HFM1: variants seen among roughly 807,000 people sequenced by gnomAD.
HFM1 encodes the protein probable ATP-dependent DNA helicase HFM1.
In HFM1, 169 loss-of-function variants were observed where a neutral mutation model predicts 192.1. The ratio of observed to expected loss-of-function variants is 0.88; its 90% CI spans 0.78 to 1.00. HFM1 has a LOEUF of 1.00. HFM1 is among the 50% of genes least tolerant of loss of function. The pLI is 0.00. For synonymous variants in HFM1, 525 were observed against 537.8 expected (o/e 0.98, Z 0.33); for missense variants, 1,661 against 1,668.0 (o/e 1.00, Z 0.07).
At chr1:91,367,086 G>C (rs1557461158) in intron 13 of HFM1, among the ~76,000 whole-genome samples, 1 of 152,204 alleles carries the variant, frequency 6.6e-6, no homozygotes, top group African/African-American at 2.4e-5. Flanking sequence ...GCCGAGGCTT[G>C]AGTAGGTAAA....
intron 13 of HFM1, among the ~76,000 whole-genome samples, chr1:91,371,809 A>T (rs1159217783): frequency 6.6e-6 from 1 of 152,124 alleles, no homozygotes; most frequent in Non-Finnish European, 1.5e-5. Context: ...CAGCCTACAG[A>T]ATGGGAGAAA....
intron 30 of HFM1, among the ~76,000 whole-genome samples, chr1:91,298,187 AG>A (rs1220802723): frequency 6.6e-6 from 1 of 152,248 alleles, no homozygotes; most frequent in African/African-American, 2.4e-5. Flanking sequence ...AAAGGGTATC[AG>A]GGATGGAAGA....
chr1:91,304,409 A>G (rs1649301375), intron 30 of HFM1, among the ~76,000 whole-genome samples: 1 of 152,040 alleles, frequency 6.6e-6, no homozygotes, highest in African/African-American at 2.4e-5. Context: ...TGCCTTGTAC[A>G]AGGTAATGAA....
At chr1:91,328,644 G>A (rs1322869904) in intron 20 of HFM1, 11 of 1,590,900 alleles carry the variant, frequency 6.9e-6, no homozygotes, top group South Asian at 2.2e-5. Context: ...TTGAGGGCAC[G>A]CCACCACAGC....
At chr1:91,268,926 T>C (rs1023251192) in intron 34 of HFM1, among the ~76,000 whole-genome samples, 4 of 152,124 alleles carry the variant, frequency 2.6e-5, no homozygotes, top group South Asian at 2.1e-4. Flanking sequence ...TCATTCACCA[T>C]TGACTTAAGC....
At chr1:91,290,021 G>T (rs1668550444) in intron 30 of HFM1, among the ~76,000 whole-genome samples, 1 of 152,040 alleles carries the variant, frequency 6.6e-6, no homozygotes, top group Admixed American at 6.6e-5. Context: ...TCACCACCAG[G>T]CCTGCCCTAA....
intron 20 of HFM1, among the ~76,000 whole-genome samples, chr1:91,342,456 T>C (rs1366011048): frequency 2.0e-5 from 3 of 152,322 alleles, no homozygotes; most frequent in South Asian, 2.1e-4. Context: ...TTTATCTCCA[T>C]AGACACAGAG....
At chr1:91,281,470 T>C (rs372355859) in intron 30 of HFM1, among the ~76,000 whole-genome samples, 12 of 152,306 alleles carry the variant, frequency 7.9e-5, no homozygotes, top group African/African-American at 2.9e-4. Flanking sequence ...AATCTAGACC[T>C]GTCCTGTAAC....
chr1:91,292,650 GC>G (rs1668910721), intron 30 of HFM1, among the ~76,000 whole-genome samples: 1 of 151,920 alleles, frequency 6.6e-6, no homozygotes, highest in East Asian at 1.9e-4. Context: ...CAGATTCAAT[GC>G]CATCCCCATC....
intron 20 of HFM1, chr1:91,328,738 C>T (rs1397875642): frequency 7.7e-5 from 124 of 1,609,124 alleles, no homozygotes; most frequent in Non-Finnish European, 9.6e-5. Context: ...CTGCTGGGGC[C>T]GAGCAGGTGG....
chr1:91,276,848 G>A, intron 31 of HFM1, 105 bp from the exon 32 acceptor site: 4 of 801,198 alleles, frequency 5.0e-6, no homozygotes, highest in Non-Finnish European at 5.9e-6. Context: ...TTTTCATGTT[G>A]CCCACAGAGA....
intron 20 of HFM1, among the ~76,000 whole-genome samples, chr1:91,330,254 T>TA (rs918393514): frequency 1.5e-4 from 22 of 146,414 alleles, no homozygotes; most frequent in African/African-American, 5.5e-4. Flanking sequence ...ATTATAAAAG[T>TA]AAAAAAAAAG....
In HFM1 at chr1:91,385,195, G is replaced by A; in HGVS notation, c.794C>T (p.Thr265Ile). 6.4e-7 allele frequency: 1 copy of A among 1,551,958 alleles called. No homozygotes were observed. Among genetic ancestry groups the A allele is most frequent in the Non-Finnish European group, 8.9e-7 (1 of 1,129,628 alleles). The change falls in exon 6 of 39, where the codon ACA becomes ATA. Residue 265 changes from threonine to isoleucine, a missense_variant. Physicochemically the swap from Thr to Ile is moderately conservative, Grantham distance 89. Coordinates refer to ENST00000370425, the MANE Select transcript of HFM1 (RefSeq NM_001017975.6). Reference protein sequence around the residue: ...ENGLGSLKAVTEIPAKFRSIF... With the variant: ...ENGLGSLKAVIEIPAKFRSIF... ...AATAACTTAAAGGATACGAATTTCT[G>A]TGACAGCCTTCAAGGAACCTAAACC...
At chr1:91,325,516 T>C (rs189063129) in intron 20 of HFM1, among the ~76,000 whole-genome samples, 3 of 152,338 alleles carry the variant, frequency 2.0e-5, no homozygotes, top group Admixed American at 6.5e-5. Context: ...CTTTGCCTGA[T>C]AGTCCAGAGA....
chr1:91,310,887 T>C (rs563505017), intron 30 of HFM1, among the ~76,000 whole-genome samples: 1 of 152,262 alleles, frequency 6.6e-6, no homozygotes, highest in Admixed American at 6.5e-5. Context: ...TTATCAGCAG[T>C]GTGAAAACAG....
At chr1:91,366,525 C>T (rs1571124490) in intron 13 of HFM1, among the ~76,000 whole-genome samples, 2 of 152,134 alleles carry the variant, frequency 1.3e-5, no homozygotes, top group African/African-American at 2.4e-5. Context: ...TATACCTACA[C>T]GTTTTAAAAA....
At chr1:91,320,312 G>A (rs1390946697) in intron 23 of HFM1, among the ~76,000 whole-genome samples, 1 of 152,158 alleles carries the variant, frequency 6.6e-6, no homozygotes, top group Non-Finnish European at 1.5e-5. Context: ...TCCTGGAATG[G>A]ATGTATACAG....
At chr1:91,378,213 G>C (rs1454776165) in intron 10 of HFM1, 30 bp from the exon 11 acceptor site, 1 of 1,499,368 alleles carries the variant, frequency 6.7e-7, no homozygotes, top group Admixed American at 2.1e-5. Flanking sequence ...AAAATCATTA[G>C]CTATAGAATT....
chr1:91,406,864 C>A (rs991686152), upstream of HFM1, among the ~76,000 whole-genome samples: 1 of 152,146 alleles, frequency 6.6e-6, no homozygotes, highest in Middle Eastern at 3.4e-3. Context: ...GAAAGAGATA[C>A]AAAAATTTGG....
Sources: allele counts gnomAD v4.1 joint callset (sites outside exome capture counted in the v4.1 genomes callset), GRCh38; gene constraint gnomAD v4.1.1; transcripts MANE v1.5; gene names NCBI Gene and HGNC (gene_info 2026-07-23, HGNC 2026-07-21).